The following LSG1 variants were observed in gnomAD, a reference collection of about 807,000 sequenced individuals.
The protein encoded by LSG1 is large subunit GTPase 1 homolog.
LSG1 carries 55 observed loss-of-function variants against 82.6 expected under a neutral mutation model. The ratio of observed to expected loss-of-function variants is 0.67; its 90% CI spans 0.54 to 0.83. The LOEUF (loss-of-function observed/expected upper bound fraction) is 0.83. Ranked by LOEUF, LSG1 falls within the 40% of genes least tolerant of loss-of-function variation. The pLI is 0.00. For missense variants in LSG1, 809 were observed against 807.9 expected (o/e 1.00, Z -0.02); for synonymous variants, 272 against 282.5 (o/e 0.96, Z 0.37).
At chr3:194,647,027 T>G (rs917417330) in intron 11 of LSG1, among the ~76,000 whole-genome samples, 2 of 152,222 alleles carry the variant, frequency 1.3e-5, no homozygotes, top group Non-Finnish European at 2.9e-5. Flanking sequence ...GCAGACAGGC[T>G]GCGTTCAAAA....
rs144775256 is a variant in LSG1 at position 194,652,832 on chromosome 3, A to G, written c.1070T>C (p.Ile357Thr). The G allele has an allele frequency of 2.5e-6, 4 of 1,614,022 alleles. No homozygotes were observed. In the African/African-American group the frequency reaches 5.3e-5, roughly 22 times the overall value. ...RSRKTPQKRQ[I>T]HNFSHLVSKQ... Reference sequence around the variant, plus strand: ...GGATACCAGATGGCTAAAATTGTGTATCTGCCTCTTCTGTGGGGTTTTCCT... The same window carrying G: ...GGATACCAGATGGCTAAAATTGTGTGTCTGCCTCTTCTGTGGGGTTTTCCT... Residue 357 changes from isoleucine (I) to threonine (T), a missense_variant, in exon 8 of 14, where the codon ATA becomes ACA. Ile to Thr is a moderately conservative substitution (Grantham distance 89, BLOSUM62 -1). Coordinates refer to ENST00000265245, the MANE Select transcript of LSG1 (RefSeq NM_018385.3).
At chr3:194,666,620 CAG>C (rs749252367) in intron 2 of LSG1, 48 bp from the exon 3 acceptor site, 2 of 1,533,830 alleles carry the variant, frequency 1.3e-6, no homozygotes, top group African/African-American at 1.4e-5. Flanking sequence ...AGTATAGATA[CAG>C]AGTGTTTGGT....
intron 1 of LSG1, among the ~76,000 whole-genome samples, chr3:194,670,368 T>A (rs1023050773): frequency 3.3e-5 from 5 of 152,216 alleles, no homozygotes; most frequent in African/African-American, 1.2e-4. Flanking sequence ...TTTACTGTAT[T>A]TCCATTTTAC....
At position 194,648,799 on chromosome 3, in the gene LSG1, G is replaced by A; in HGVS notation, c.1425C>T (p.Cys475=). 1 of 1,613,720 alleles carries A rather than the reference G, an allele frequency of 6.2e-7. No homozygotes were observed. Among genetic ancestry groups the A allele is most frequent in the Non-Finnish European group, 8.5e-7 (1 of 1,179,860 alleles). The change falls in exon 11 of 14, where the codon TGC becomes TGT. Residue 475 remains cysteine (C), a synonymous_variant. Transcript: ENST00000265245. ...RDHVPPVSLV[C]QNIPRHVLEA... is the part of the protein sequence containing the mutation. Reference sequence around the variant, plus strand: ...CTAAAACATGTCTTGGAATATTCTGGCAAACGTAGCTTGTCAGGGAATCCA... The same window carrying A: ...CTAAAACATGTCTTGGAATATTCTGACAAACGTAGCTTGTCAGGGAATCCA...
rs1718359476 is a variant in LSG1 at position 194,640,937 on chromosome 3, A to T, written c.*1131T>A. ...CAGGCACATCTTATATGGCCAGAGC[A>T]GGAGGGAGACAGAGGGGAGGCACCA... On this transcript the variant is annotated 3_prime_UTR_variant, in exon 14 of 14. Coordinates refer to ENST00000265245, the MANE Select transcript of LSG1 (RefSeq NM_018385.3). 6.6e-6 allele frequency: 1 copy of T among 152,588 alleles called. No homozygotes were observed. Among genetic ancestry groups the T allele is most frequent in the Non-Finnish European group, 1.5e-5 (1 of 68,364 alleles). The allele number at this position is 152,588 out of a possible 1,614,324, so 9.5% of individuals were successfully genotyped here. A position where few individuals can be genotyped will look rare whatever the true frequency, so the allele number is the denominator to read the frequency against.
intron 1 of LSG1, 126 bp from the exon 2 acceptor site, chr3:194,670,261 C>T (rs1331044014): frequency 6.1e-6 from 5 of 825,082 alleles, no homozygotes; most frequent in Admixed American, 2.3e-5. Flanking sequence ...AGAATCAATA[C>T]TACTTATAGT....
intron 7 of LSG1, among the ~76,000 whole-genome samples, chr3:194,656,878 C>T (rs1262299583): frequency 6.6e-6 from 1 of 152,078 alleles, no homozygotes; most frequent in Non-Finnish European, 1.5e-5. Flanking sequence ...AACCATCATT[C>T]TCAGCAAACT....
At chr3:194,652,689 C>T (rs747724271) in intron 8 of LSG1, 40 bp downstream of exon 8, 4 of 1,573,734 alleles carry the variant, frequency 2.5e-6, no homozygotes, top group Non-Finnish European at 3.5e-6. Context: ...GGATTAAAGA[C>T]AATCACGTGG....
At position 194,652,367 on chromosome 3, in the gene LSG1, A is replaced by C. The variant is rs75609689; in HGVS notation, c.1173+362T>G. On this transcript the variant is annotated intron_variant, in intron 8 of 13. Coordinates refer to ENST00000265245, the MANE Select transcript of LSG1 (RefSeq NM_018385.3). The stretch of plus-strand genomic sequence containing the variant: ...AAGCATCTGGAACATTTACAGCATA[A>C]GCTGGCAAGGATCACAGGGTGCCCA... Among the ~76,000 whole-genome samples, 543 of 152,354 alleles carry C rather than the reference A, an allele frequency of 3.6e-3. 6 individuals are homozygous for C. The highest frequency in any genetic ancestry group is 0.013 in the African/African-American group (523 of 41,592).
At chr3:194,666,409 G>A (rs754737483) in intron 3 of LSG1, 43 bp downstream of exon 3, 2 of 1,608,414 alleles carry the variant, frequency 1.2e-6, no homozygotes, top group Non-Finnish European at 1.7e-6. Flanking sequence ...ATACTCAGCA[G>A]CCTCGGATGT....
chr3:194,660,316 A>G (rs1013934937), intron 5 of LSG1, among the ~76,000 whole-genome samples, 183 bp from the exon 6 acceptor site: 1 of 152,234 alleles, frequency 6.6e-6, no homozygotes, highest in Non-Finnish European at 1.5e-5. Context: ...CAGTTAAGTA[A>G]CTTGCCCAAG....
intron 10 of LSG1, among the ~76,000 whole-genome samples, chr3:194,649,946 G>C (rs563529623): frequency 6.6e-6 from 1 of 151,820 alleles, no homozygotes; most frequent in African/African-American, 2.4e-5. Flanking sequence ...AAAGGCAAGA[G>C]TCTCGCTTTG....
At chr3:194,669,986 G>C (rs756690274) in intron 2 of LSG1, 23 bp downstream of exon 2, 4 of 1,611,566 alleles carry the variant, frequency 2.5e-6, no homozygotes, top group Non-Finnish European at 3.4e-6. Context: ...AGTCTCACCT[G>C]CACTCAGCAA....
intron 2 of LSG1, among the ~76,000 whole-genome samples, chr3:194,669,297 C>T (rs1205261699): frequency 6.6e-6 from 1 of 152,164 alleles, no homozygotes; most frequent in Non-Finnish European, 1.5e-5. Context: ...AAACGTCACA[C>T]TATATACTAT....
chr3:194,659,730 TAAA>T (rs983923376), intron 6 of LSG1, among the ~76,000 whole-genome samples: 1 of 152,144 alleles, frequency 6.6e-6, no homozygotes, highest in African/African-American at 2.4e-5. Context: ...TGGGATGAAT[TAAA>T]AAGTGAAGTG....
At chr3:194,667,341 G>C (rs529160707) in intron 2 of LSG1, among the ~76,000 whole-genome samples, 1 of 151,986 alleles carries the variant, frequency 6.6e-6, no homozygotes, top group African/African-American at 2.4e-5. Context: ...ATGAGCCACC[G>C]CACCCAGCCT....
At chr3:194,656,826 T>G (rs1446593161) in intron 7 of LSG1, among the ~76,000 whole-genome samples, 1 of 152,038 alleles carries the variant, frequency 6.6e-6, no homozygotes. Flanking sequence ...CCATAAAAAA[T>G]GATGAGTTCA....
chr3:194,648,684 C>T lies in LSG1; in HGVS notation c.1540G>A (p.Gly514Arg). The T allele has an allele frequency of 6.2e-7, 1 of 1,613,592 alleles. No homozygotes were observed. The highest frequency in any genetic ancestry group is 8.5e-7 in the Non-Finnish European group (1 of 1,179,762). ...PTSEELLTAY[G>R]YMRGFMTAHG... ...TTTCTGATGAATCACAACTTACATC[C>T]ATAAGCTGTCAACAGTTCTTCCGAT... Residue 514 changes from glycine to arginine, a missense_variant, in exon 11 of 14, where the codon GGA (glycine) becomes AGA (arginine). Gly to Arg is a moderately radical substitution (Grantham distance 125, BLOSUM62 -2). Coordinates refer to ENST00000265245, the MANE Select transcript of LSG1 (RefSeq NM_018385.3).
Position 194,651,108 on chromosome 3 carries a change from G to T in LSG1, c.1275+7C>A. ...TGCATGCAAGTGGCAAAGCACCACA[G>T]AAATACCTGAAAGTGCTTTGTGTGA... On this transcript the variant is annotated splice_region_variant and intron_variant, in intron 9 of 13. Coordinates refer to ENST00000265245, the MANE Select transcript of LSG1 (RefSeq NM_018385.3). 2 of 1,614,016 alleles carry T rather than the reference G, an allele frequency of 1.2e-6. No homozygotes were observed. Among genetic ancestry groups the T allele is most frequent in the Non-Finnish European group, 1.7e-6 (2 of 1,179,816 alleles).
Sources: gnomAD v4.1 joint callset for allele counts (sites outside exome capture counted in the v4.1 genomes callset) on GRCh38, gnomAD v4.1.1 for gene constraint, MANE v1.5 for transcripts, NCBI Gene and HGNC (gene_info 2026-07-23, HGNC 2026-07-21) for gene names.